TLE2: variants seen among roughly 807,000 people sequenced by gnomAD.
TLE2 encodes the protein transducin-like enhancer protein 2.
In TLE2, 74 loss-of-function variants were observed where a neutral mutation model predicts 97.2. The observed-to-expected ratio is 0.76, with a 90% CI of 0.63 to 0.92. The LOEUF (loss-of-function observed/expected upper bound fraction) is 0.92, where lower values mean the gene tolerates loss of function less well. Ranked by LOEUF, TLE2 falls within the 40% of genes least tolerant of loss-of-function variation. The pLI, the probability that TLE2 is intolerant of heterozygous loss-of-function variation, is 0.00. For synonymous variants in TLE2, 499 were observed against 432.1 expected (o/e 1.15, Z -1.92); for missense variants, 1,038 against 1,008.7 (o/e 1.03, Z -0.39).
chr19:3,043,919 G>A, intron 1 of TLE2, among the ~76,000 whole-genome samples: 1 of 152,184 alleles, frequency 6.6e-6, no homozygotes, highest in Non-Finnish European at 1.5e-5. Context: ...AGGGGGCAGA[G>A]GTTGCAGTGA....
intron 4 of TLE2, chr19:3,025,377 C>T (rs2089924796): frequency 5.0e-6 from 6 of 1,202,096 alleles, no homozygotes; most frequent in Non-Finnish European, 5.2e-6. Context: ...CAGGGATTTG[C>T]AGGAGGCAGA....
intron 1 of TLE2, chr19:3,045,585 G>C (rs568985148): frequency 3.3e-6 from 1 of 303,052 alleles, no homozygotes; most frequent in East Asian, 8.9e-5. Context: ...GGGAGGCCAA[G>C]GCGGGCGGAT....
Position 3,009,599 on chromosome 19 carries a change from G to A in TLE2, c.1116C>T (p.Val372=). 6.2e-7 allele frequency: 1 copy of A among 1,613,532 alleles called. No homozygotes were observed. Among genetic ancestry groups the A allele is most frequent in the Non-Finnish European group, 8.5e-7 (1 of 1,179,744 alleles). The change falls in exon 13 of 20, where the codon GTC becomes GTT. Residue 372 remains valine, a synonymous_variant. Transcript: ENST00000262953. ...NGDLSVPSSY[V]SLHLSPQVSS... ...TGACCTGGGGGGACAGGTGGAGGCT[G>A]ACGTAGGAGCTGGGCACGGAGAGGT... is the stretch of plus-strand genomic sequence containing the variant.
rs142834962 is a variant in TLE2 at position 3,018,742 on chromosome 19, G to C, written c.550+541C>G. ...CGATTCTCCTGCCTCAGCCTCCCGA[G>C]TAGCTGAGATTACAGGCACCCGCCA... On this transcript the variant is annotated intron_variant, in intron 7 of 19. Transcript: ENST00000262953. 2.0e-3 allele frequency among the ~76,000 whole-genome samples: 301 copies of C among 152,056 alleles called. 2 individuals carry two copies. The highest frequency in any genetic ancestry group is 6.8e-3 in the African/African-American group (280 of 41,472).
chr19:3,032,663 A>T (rs914506100), upstream of TLE2, among the ~76,000 whole-genome samples: 15 of 152,114 alleles, frequency 9.9e-5, no homozygotes, highest in African/African-American at 3.6e-4. The surrounding 1 kb of genome is among the most constrained non-coding windows in gnomAD (Gnocchi z 4.1). Flanking sequence ...CCTGGCACAC[A>T]GTAAGTGCTC....
chr19:3,046,936 C>CCCCTT (rs1408255833), upstream of TLE2, among the ~76,000 whole-genome samples: 1 of 118,018 alleles, frequency 8.5e-6, no homozygotes, highest in Non-Finnish European at 1.8e-5. Context: ...TCCTCTGCCT[C>CCCCTT]CCCCTCCTCC....
At chr19:3,044,953 C>T (rs2145239389) in intron 1 of TLE2, among the ~76,000 whole-genome samples, 1 of 152,284 alleles carries the variant, frequency 6.6e-6, no homozygotes, top group Admixed American at 6.5e-5. Context: ...CGCGGTGGCT[C>T]ATGACTGTCA....
chr19:3,013,860 G>A, intron 10 of TLE2, 42 bp from the exon 11 acceptor site: 1 of 1,440,688 alleles, frequency 6.9e-7, no homozygotes, highest in Non-Finnish European at 9.1e-7. Flanking sequence ...TGAAATGAGA[G>A]GGAAAGAAGA....
At chr19:2,999,289 CAA>C (rs890683595) in intron 19 of TLE2, among the ~76,000 whole-genome samples, 1 of 151,022 alleles carries the variant, frequency 6.6e-6, no homozygotes, top group Non-Finnish European at 1.5e-5. Flanking sequence ...GTCAAAAAAA[CAA>C]AAAAACACTG....
intron 5 of TLE2, chr19:3,020,287 A>C (rs1001668513): frequency 2.6e-5 from 4 of 154,602 alleles, no homozygotes; most frequent in African/African-American, 9.7e-5. Context: ...TGGAGCATCG[A>C]AGAACCAAAG....
intron 8 of TLE2, among the ~76,000 whole-genome samples, chr19:3,017,090 A>G (rs769300959): frequency 2.7e-4 from 34 of 127,164 alleles, no homozygotes; most frequent in Non-Finnish European, 4.7e-4. Flanking sequence ...CCACACAGAA[A>G]GGCTTCAGGA....
At chr19:3,016,936 A>G (rs946014646) in intron 8 of TLE2, among the ~76,000 whole-genome samples, 6 of 148,990 alleles carry the variant, frequency 4.0e-5, no homozygotes, top group Admixed American at 2.0e-4. Context: ...CCACCACCAC[A>G]CCCAGCTAAT....
At chr19:3,031,988 C>T (rs767056217), upstream of TLE2, among the ~76,000 whole-genome samples, 18 of 152,080 alleles carry the variant, frequency 1.2e-4, no homozygotes, top group Non-Finnish European at 1.9e-4. Flanking sequence ...AGTGCAGTGG[C>T]GCGATCTCGG....
chr19:3,046,330 A>G (rs2090140627), upstream of TLE2, among the ~76,000 whole-genome samples: 1 of 152,240 alleles, frequency 6.6e-6, no homozygotes, highest in South Asian at 2.1e-4. Context: ...GCTGCAGACA[A>G]TTCAGCCAGC....
At chr19:3,046,284 T>C (rs1051184919), upstream of TLE2, among the ~76,000 whole-genome samples, 14 of 152,342 alleles carry the variant, frequency 9.2e-5, no homozygotes, top group Middle Eastern at 3.4e-3. Flanking sequence ...CCCCCAAGAC[T>C]GCCTGAAGGG....
rs2089480064 is a variant in TLE2, at chr19:3,006,434, G to GGGCCACGGGCGTCTT, written c.1471_1485dup (p.Lys491_Ala495dup). ...CCCGCCCTCACCAGGCAGTCGAGCT[G>GGGCCACGGGCGTCTT]GGCCACGGGCGTCTTGGCCCCAGGC... On this transcript the variant is annotated inframe_insertion, in exon 15 of 20. Coordinates refer to ENST00000262953, the MANE Select transcript of TLE2 (RefSeq NM_003260.5). The GGGCCACGGGCGTCTT allele has an allele frequency of 1.2e-6, 2 of 1,610,294 alleles. No individual in the cohort carries two copies. The highest frequency in any genetic ancestry group is 2.2e-5 in the South Asian group (2 of 90,862).
chr19:3,037,068 T>G (rs1050327844), intron 1 of TLE2, among the ~76,000 whole-genome samples: 1 of 152,212 alleles, frequency 6.6e-6, no homozygotes, highest in Non-Finnish European at 1.5e-5. Context: ...GCGGATCACC[T>G]GAGGCCAGGA....
intron 1 of TLE2, chr19:3,045,700 G>A (rs539000134): frequency 1.6e-5 from 7 of 430,462 alleles, no homozygotes; most frequent in Admixed American, 7.5e-5. Context: ...GTGTGGTGGC[G>A]GGCGCCTGTA....
rs1319183794 is a variant in TLE2, at chr19:3,028,752, C to T, written c.76G>A (p.Asp26Asn). ...PFKFSILEICDRIKEEFQFLQ... is the reference protein window; with the variant it reads ...PFKFSILEICNRIKEEFQFLQ... ...AACTGGAATTCTTCTTTGATGCGGT[C>T]GCAGATCTCCAAGATCGAGAACTTG... The change falls in exon 2 of 20, where the codon GAC becomes AAC. Residue 26 changes from aspartate (D) to asparagine (N), a missense_variant. Physicochemically the swap from Asp to Asn is conservative, Grantham distance 23. Transcript: ENST00000262953. 74 of 1,612,842 alleles carry T rather than the reference C, an allele frequency of 4.6e-5. No homozygotes were observed. Among genetic ancestry groups the T allele is most frequent in the Non-Finnish European group, 6.2e-5 (73 of 1,179,812 alleles).
Sources: gnomAD v4.1 joint callset for allele counts (sites outside exome capture counted in the v4.1 genomes callset) on GRCh38, gnomAD v4.1.1 for gene constraint, Gnocchi (gnomAD v3.1) non-coding constraint, MANE v1.5 for transcripts, NCBI Gene and HGNC (gene_info 2026-07-23, HGNC 2026-07-21) for gene names.